Variants in LPCAT2 observed in about 807,000 individuals in gnomAD.
LPCAT2 encodes the protein 1-AGP acyltransferase 11.
A neutral mutation model predicts 64.7 loss-of-function variants in LPCAT2; 58 were observed. The observed-to-expected ratio is 0.90, with a 90% CI of 0.73 to 1.12. The LOEUF (loss-of-function observed/expected upper bound fraction) is 1.12, where lower values mean the gene tolerates loss of function less well. Ranked by LOEUF, LPCAT2 falls within the 50% of genes most tolerant of loss-of-function variation. The pLI is 0.00. For synonymous variants in LPCAT2, 252 were observed against 245.3 expected (o/e 1.03, Z -0.26); for missense variants, 579 against 669.8 (o/e 0.86, Z 1.50).
At chr16:55,567,129 C>G in intron 11 of LPCAT2, 1 of 1,613,794 alleles carries the variant, frequency 6.2e-7, no homozygotes, top group East Asian at 2.2e-5. Flanking sequence ...TGACACCTGC[C>G]GGAGCATTGT....
intron 11 of LPCAT2, among the ~76,000 whole-genome samples, chr16:55,555,116 C>T (rs111467806): frequency 3.3e-5 from 5 of 152,200 alleles, no homozygotes; most frequent in African/African-American, 9.6e-5. Flanking sequence ...GAAGTGAGCA[C>T]GTACTGTTGG....
intron 8 of LPCAT2, chr16:55,541,994 C>A (rs1327332174): frequency 2.6e-6 from 3 of 1,162,898 alleles, no homozygotes; most frequent in African/African-American, 1.6e-5. Context: ...TTTTCTGTTA[C>A]AAGGAAAAAA....
At chr16:55,568,019 GAA>G (rs1963726741) in intron 11 of LPCAT2, among the ~76,000 whole-genome samples, 1 of 152,014 alleles carries the variant, frequency 6.6e-6, no homozygotes, top group Non-Finnish European at 1.5e-5. Flanking sequence ...TGCTTTTTAG[GAA>G]ACTTATTTAA....
At chr16:55,548,751 T>C (rs1242304671) in intron 9 of LPCAT2, among the ~76,000 whole-genome samples, 2 of 152,194 alleles carry the variant, frequency 1.3e-5, no homozygotes, top group East Asian at 3.9e-4. Context: ...TGGCCTCAAG[T>C]GATCTGCCTG....
chr16:55,572,865 C>T (rs1395891594), intron 11 of LPCAT2, among the ~76,000 whole-genome samples: 1 of 152,026 alleles, frequency 6.6e-6, no homozygotes, highest in Non-Finnish European at 1.5e-5. Context: ...ACAAATCAAA[C>T]CGTACATTTA....
Position 55,529,545 on chromosome 16 carries a change from TA to T in LPCAT2, c.530-289del, listed in dbSNP as rs575424376. Among the ~76,000 whole-genome samples, 20 of 152,334 alleles carry T rather than the reference TA, an allele frequency of 1.3e-4. No homozygotes were observed. The South Asian group carries it at 3.9e-3, about 30-fold the overall frequency. On this transcript the variant is annotated intron_variant, in intron 3 of 13. Coordinates refer to ENST00000262134, the MANE Select transcript of LPCAT2 (RefSeq NM_017839.5). ...AAAATAAAACAATAATCTTGTAGCA[TA>T]TCCCAAAGGTTTAATGTCAATTGAG...
intron 11 of LPCAT2, among the ~76,000 whole-genome samples, chr16:55,554,658 T>G (rs1426167927): frequency 1.3e-5 from 2 of 152,348 alleles, no homozygotes; most frequent in East Asian, 3.8e-4. Flanking sequence ...TTTCAAGAAC[T>G]TTCCTTTGCA....
intron 11 of LPCAT2, among the ~76,000 whole-genome samples, chr16:55,562,006 T>C (rs1193538989): frequency 6.6e-6 from 1 of 152,030 alleles, no homozygotes; most frequent in Non-Finnish European, 1.5e-5. Context: ...ATTATTCAGT[T>C]CTAGAATTAC....
At position 55,586,246 on chromosome 16, in the gene LPCAT2, G is replaced by A. The variant is rs1349500497; in HGVS notation, c.*3148G>A. On this transcript the variant is annotated 3_prime_UTR_variant, in exon 14 of 14. Coordinates refer to ENST00000262134, the MANE Select transcript of LPCAT2 (RefSeq NM_017839.5). ...TTTTGCCCTTTTTACCCCATTTACT[G>A]TAACTCTTGTTTCTAGGTAATCGTT... The A allele has an allele frequency of 6.6e-6, 1 of 152,044 alleles. No individual in the cohort carries two copies. Among genetic ancestry groups the A allele is most frequent in the Non-Finnish European group, 1.5e-5 (1 of 68,020 alleles). The allele number at this position is 152,044 out of a possible 1,614,324, so 9.4% of individuals were successfully genotyped here.
chr16:55,537,984 T>C (rs561061021), intron 8 of LPCAT2, among the ~76,000 whole-genome samples: 2 of 152,312 alleles, frequency 1.3e-5, no homozygotes, highest in East Asian at 1.9e-4. Flanking sequence ...AGAAAATGTT[T>C]TGTGAAAGCT....
Position 55,574,703 on chromosome 16 carries a change from G to A in LPCAT2, c.1288G>A (p.Glu430Lys). The A allele has an allele frequency of 6.2e-7, 1 of 1,613,466 alleles. No homozygotes were observed. Among genetic ancestry groups the A allele is most frequent in the Non-Finnish European group, 8.5e-7 (1 of 1,179,566 alleles). Residue 430 changes from glutamate (E) to lysine (K), a missense_variant, in exon 12 of 14, where the codon GAG becomes AAG. Glu to Lys is a moderately conservative substitution (Grantham distance 56, BLOSUM62 1). Coordinates refer to ENST00000262134, the MANE Select transcript of LPCAT2 (RefSeq NM_017839.5). The stretch of plus-strand genomic sequence containing the variant: ...TGTCTTGTGCAACCCTTCCAACACA[G>A]AGGAGATCATCCAGGTGGCATTTAA... ...LAVLCNPSNT[E>K]EIIQVAFKLF...
At chr16:55,581,206 A>G (rs2142427308) in intron 13 of LPCAT2, among the ~76,000 whole-genome samples, 1 of 152,312 alleles carries the variant, frequency 6.6e-6, no homozygotes, top group Non-Finnish European at 1.5e-5. Flanking sequence ...TCAGTAGATC[A>G]ACTGTCATGC....
At chr16:55,577,287 C>A (rs1413406134) in intron 12 of LPCAT2, among the ~76,000 whole-genome samples, 1 of 149,484 alleles carries the variant, frequency 6.7e-6, no homozygotes, top group East Asian at 2.0e-4. Flanking sequence ...AAACATGATT[C>A]AGTATTTGCT....
chr16:55,541,553 G>A (rs1963396849), intron 8 of LPCAT2: 1 of 192,266 alleles, frequency 5.2e-6, no homozygotes, highest in African/African-American at 2.4e-5. Context: ...ATATATACTT[G>A]TTCTAACAAA....
intron 9 of LPCAT2, 58 bp downstream of exon 9, chr16:55,545,875 C>A: frequency 7.4e-7 from 1 of 1,352,820 alleles, no homozygotes; most frequent in Non-Finnish European, 1.0e-6. Context: ...TTGTGCATGT[C>A]GTTTAACTCA....
chr16:55,553,548 T>TG (rs1176168379), intron 11 of LPCAT2, among the ~76,000 whole-genome samples: 6 of 152,212 alleles, frequency 3.9e-5, no homozygotes, highest in African/African-American at 1.4e-4. Flanking sequence ...CTAGCTCTCT[T>TG]GCTATTTCCA....
intron 11 of LPCAT2, among the ~76,000 whole-genome samples, chr16:55,552,623 T>C (rs1159261544): frequency 2.0e-5 from 3 of 152,232 alleles, no homozygotes; most frequent in African/African-American, 7.2e-5. Flanking sequence ...AAGTGAGCCA[T>C]ATGCAGTTTT....
intron 5 of LPCAT2, 68 bp from the exon 6 acceptor site, chr16:55,532,756 A>G (rs772111109): frequency 8.4e-5 from 85 of 1,015,152 alleles, no homozygotes; most frequent in Non-Finnish European, 1.3e-4. Flanking sequence ...ACTATTTATT[A>G]ATTTTCTCTT....
At chr16:55,561,876 T>C (rs1391355211) in intron 11 of LPCAT2, among the ~76,000 whole-genome samples, 3 of 151,960 alleles carry the variant, frequency 2.0e-5, no homozygotes, top group Non-Finnish European at 2.9e-5. Context: ...ATAAAATCAG[T>C]TGTTGGAAAG....
Sources: allele counts gnomAD v4.1 joint callset (sites outside exome capture counted in the v4.1 genomes callset), GRCh38; gene constraint gnomAD v4.1.1; transcripts MANE v1.5; gene names NCBI Gene and HGNC (gene_info 2026-07-23, HGNC 2026-07-21).